PRDM5: variants seen among roughly 807,000 people sequenced by gnomAD.
PRDM5 encodes PR/SET domain 5, also known as PR domain zinc finger protein 5.
In PRDM5, 56 loss-of-function variants were observed where a neutral mutation model predicts 81.2. That is an observed-to-expected ratio of 0.69 (90% confidence interval 0.56 to 0.86). PRDM5 has a LOEUF of 0.86. Among genes scored for constraint, PRDM5 ranks in the 40% least tolerant of loss-of-function variants. The pLI is 0.00. For synonymous variants in PRDM5, 267 were observed against 256.4 expected (o/e 1.04, Z -0.39); for missense variants, 697 against 770.1 (o/e 0.91, Z 1.12).
At chr4:120,827,688 A>C (rs1756180490) in intron 3 of PRDM5, among the ~76,000 whole-genome samples, 1 of 152,046 alleles carries the variant, frequency 6.6e-6, no homozygotes, top group Non-Finnish European at 1.5e-5. Flanking sequence ...ACTGGGTGGG[A>C]AGTTCCATCA....
intron 14 of PRDM5, among the ~76,000 whole-genome samples, chr4:120,718,968 GA>G (rs1346799008): frequency 1.3e-5 from 2 of 152,174 alleles, no homozygotes; most frequent in Non-Finnish European, 2.9e-5. Flanking sequence ...CCTCAACTGT[GA>G]GGAAGATTAC....
At chr4:120,760,152 T>C (rs896941879) in intron 13 of PRDM5, among the ~76,000 whole-genome samples, 4 of 152,212 alleles carry the variant, frequency 2.6e-5, no homozygotes, top group Admixed American at 2.0e-4. Context: ...GGCTAGCATT[T>C]TGTGTAAATT....
chr4:120,900,427 C>A (rs1447275968), intron 2 of PRDM5, among the ~76,000 whole-genome samples: 1 of 152,112 alleles, frequency 6.6e-6, no homozygotes, highest in Non-Finnish European at 1.5e-5. Flanking sequence ...TAGATGAGGA[C>A]CAAATATAGA....
intron 12 of PRDM5, among the ~76,000 whole-genome samples, chr4:120,777,938 G>C (rs912080934): frequency 2.6e-5 from 4 of 152,058 alleles, no homozygotes; most frequent in African/African-American, 9.7e-5. Context: ...AAAGAGAAAG[G>C]AGTGACCCCT....
At chr4:120,867,548 A>G (rs1200203293) in intron 2 of PRDM5, among the ~76,000 whole-genome samples, 2 of 152,196 alleles carry the variant, frequency 1.3e-5, no homozygotes, top group African/African-American at 4.8e-5. Context: ...TTGACCATAA[A>G]TATTTTTTCT....
rs1434026421 is a variant in PRDM5, at chr4:120,872,496, G to A, written c.178-18956C>T. ...ATTATACTTATATGAGGCATCTAAAGTAGCCAAATCCTTAGAGGCCGAGGC... is the reference window on the plus strand; with the variant it reads ...ATTATACTTATATGAGGCATCTAAAATAGCCAAATCCTTAGAGGCCGAGGC... On this transcript the variant is annotated intron_variant, in intron 2 of 15. Coordinates refer to ENST00000264808, the MANE Select transcript of PRDM5 (RefSeq NM_018699.4). Among the ~76,000 whole-genome samples the A allele has an allele frequency of 1.3e-5, 2 of 152,130 alleles. 1 individual carries two copies. Among genetic ancestry groups the A allele is most frequent in the East Asian group, 3.9e-4 (2 of 5,182 alleles).
At chr4:120,750,799 A>C (rs1233632874) in intron 14 of PRDM5, among the ~76,000 whole-genome samples, 1 of 152,034 alleles carries the variant, frequency 6.6e-6, no homozygotes, top group Non-Finnish European at 1.5e-5. Context: ...ACTCATTATC[A>C]AGAGATAGAA....
At chr4:120,910,708 G>T (rs1453714214) in intron 1 of PRDM5, among the ~76,000 whole-genome samples, 1 of 151,900 alleles carries the variant, frequency 6.6e-6, no homozygotes, top group Non-Finnish European at 1.5e-5. Flanking sequence ...GACCATTTTT[G>T]ACCTACAAAA....
intron 3 of PRDM5, among the ~76,000 whole-genome samples, chr4:120,844,262 T>C (rs1758393735): frequency 6.6e-6 from 1 of 152,186 alleles, no homozygotes; most frequent in Admixed American, 6.5e-5. Context: ...GGGGTGGTGA[T>C]AATGAAAATT....
rs1158287373 is a variant in PRDM5 at position 120,693,506 on chromosome 4, ACTATACTTAAATAT to A, written c.*1591_*1604del. 6.6e-6 allele frequency: 1 copy of A among 152,112 alleles called. No homozygotes were observed. Among genetic ancestry groups the A allele is most frequent in the East Asian group, 1.9e-4 (1 of 5,200 alleles). 9.4% of individuals were successfully genotyped at this position (152,112 alleles called of 1,614,324 possible). A position where few individuals can be genotyped will look rare whatever the true frequency, so the allele number is the denominator to read the frequency against. ...TTTCAGATTCAAAATACTACATATA[ACTATACTTAAATAT>A]CTTCTAAACTATAATTTTAGGATTT... On this transcript the variant is annotated 3_prime_UTR_variant, in exon 16 of 16. Transcript: ENST00000264808.
intron 13 of PRDM5, among the ~76,000 whole-genome samples, chr4:120,772,009 A>T (rs1379635151): frequency 6.6e-6 from 1 of 152,196 alleles, no homozygotes; most frequent in Non-Finnish European, 1.5e-5. Flanking sequence ...AGACATGAAG[A>T]AATTAGCTCA....
Position 120,710,424 on chromosome 4 carries a change from CAA to C in PRDM5, c.1624-13_1624-12del, listed in dbSNP as rs1396240474. On this transcript the variant is annotated splice_polypyrimidine_tract_variant and intron_variant, in intron 14 of 15. Coordinates refer to ENST00000264808, the MANE Select transcript of PRDM5 (RefSeq NM_018699.4). ...CTTGTACGGCTTCTCCTGCAGTCAA[CAA>C]AAAGAGACCACCAAAATTGCCAGTG... 2 of 1,612,326 alleles carry C rather than the reference CAA, an allele frequency of 1.2e-6. No homozygotes were observed. The highest frequency in any genetic ancestry group is 1.1e-5 in the South Asian group (1 of 91,028).
chr4:120,874,036 A>G (rs1247173595), intron 2 of PRDM5, among the ~76,000 whole-genome samples: 1 of 152,146 alleles, frequency 6.6e-6, no homozygotes, highest in South Asian at 2.1e-4. Context: ...ACATATATTA[A>G]TGTGTAATGA....
At chr4:120,787,732 A>G (rs1749966306) in intron 10 of PRDM5, among the ~76,000 whole-genome samples, 1 of 152,184 alleles carries the variant, frequency 6.6e-6, no homozygotes, top group Admixed American at 6.6e-5. Flanking sequence ...CCACTAACAG[A>G]TATGCAGAAG....
intron 7 of PRDM5, among the ~76,000 whole-genome samples, chr4:120,815,416 C>T (rs1350823122): frequency 2.6e-5 from 4 of 152,226 alleles, no homozygotes; most frequent in African/African-American, 9.6e-5. Context: ...TTCCACCACA[C>T]AGAGCTTTCA....
chr4:120,785,374 T>C (rs1287560061), intron 10 of PRDM5, among the ~76,000 whole-genome samples: 1 of 152,148 alleles, frequency 6.6e-6, no homozygotes, highest in Non-Finnish European at 1.5e-5. Flanking sequence ...CACACTGAGA[T>C]TTCTCAGGGC....
chr4:120,800,450 G>A (rs868030868), intron 8 of PRDM5, among the ~76,000 whole-genome samples: 2 of 151,162 alleles, frequency 1.3e-5, no homozygotes, highest in South Asian at 2.1e-4. Context: ...CTGGGAAGTC[G>A]AGGCTTCAGT....
chr4:120,695,946 T>C (rs1734469063), intron 15 of PRDM5, among the ~76,000 whole-genome samples: 1 of 152,114 alleles, frequency 6.6e-6, no homozygotes. Flanking sequence ...TTAAATAATG[T>C]GAAAACACCA....
chr4:120,817,349 T>C (rs1437377556), intron 5 of PRDM5, among the ~76,000 whole-genome samples: 3 of 152,298 alleles, frequency 2.0e-5, no homozygotes, highest in Non-Finnish European at 2.9e-5. Context: ...AGTCTTAGTA[T>C]GAAATGTAGC....
Sources: gnomAD v4.1 joint callset for allele counts (sites outside exome capture counted in the v4.1 genomes callset) on GRCh38, gnomAD v4.1.1 for gene constraint, MANE v1.5 for transcripts, NCBI Gene and HGNC (gene_info 2026-07-23, HGNC 2026-07-21) for gene names.